The following FRY variants were observed in gnomAD, a reference collection of about 807,000 sequenced individuals.
The protein encoded by FRY is protein furry homolog.
FRY carries 128 observed loss-of-function variants against 348.4 expected under a neutral mutation model. The observed-to-expected ratio is 0.37, with a 90% CI of 0.32 to 0.43. The LOEUF (loss-of-function observed/expected upper bound fraction) is 0.43. Ranked by LOEUF, FRY falls within the 20% of genes least tolerant of loss-of-function variation. FRY has a pLI of 1.00. For synonymous variants in FRY, 1,370 were observed against 1,374.7 expected (o/e 1.00, Z 0.08); for missense variants, 2,736 against 3,695.2 (o/e 0.74, Z 6.73).
chr13:32,254,323 A>G lies in FRY; in HGVS notation c.7345A>G (p.Thr2449Ala), dbSNP rs192351218. The G allele has an allele frequency of 3.9e-3, 6,319 of 1,614,092 alleles. 45 individuals carry two copies. Among genetic ancestry groups the G allele is most frequent in the South Asian group, 0.021 (1,947 of 91,080 alleles). The change falls in exon 51 of 61, where the codon ACA (threonine) becomes GCA (alanine). Residue 2449 changes from threonine (T) to alanine (A), a missense_variant. Physicochemically the swap from Thr to Ala is moderately conservative, Grantham distance 58. Around this residue, in one of 9 missense-constraint regions of FRY, gnomAD observed 789 missense variants for 996.2 expected, o/e 0.79. Transcript: ENST00000542859. ...CCGAGAGCAGGAGAACATGGATGACACAAACAGCGAGCAGCAGTTTAGAGT... is the reference window on the plus strand; with the variant it reads ...CCGAGAGCAGGAGAACATGGATGACGCAAACAGCGAGCAGCAGTTTAGAGT... The part of the protein sequence containing the change: ...GAREQENMDD[T>A]NSEQQFRVFR...
chr13:32,087,274 C>T (rs147947708), intron 2 of FRY, among the ~76,000 whole-genome samples: 2 of 152,332 alleles, frequency 1.3e-5, no homozygotes, highest in African/African-American at 4.8e-5. Flanking sequence ...AGGCAATTAG[C>T]TAATGACAGC....
At chr13:32,134,224 G>C (rs990940701) in intron 8 of FRY, among the ~76,000 whole-genome samples, 11 of 152,160 alleles carry the variant, frequency 7.2e-5, no homozygotes. Context: ...AAAAATGTTG[G>C]CAGGCCAACT....
chr13:32,114,352 A>G (rs1372515373), intron 3 of FRY, among the ~76,000 whole-genome samples: 1 of 152,106 alleles, frequency 6.6e-6, no homozygotes, highest in Non-Finnish European at 1.5e-5. Flanking sequence ...TTATTGTTTT[A>G]TGTGTTGGGC....
intron 24 of FRY, among the ~76,000 whole-genome samples, chr13:32,183,792 A>ACCT (rs1882861696): frequency 6.6e-6 from 1 of 151,248 alleles, no homozygotes; most frequent in Admixed American, 6.6e-5. Context: ...AAAAAAAAAA[A>ACCT]AAAAAACCTA....
intron 11 of FRY, among the ~76,000 whole-genome samples, chr13:32,145,090 C>T (rs776079887): frequency 1.2e-4 from 18 of 152,078 alleles, no homozygotes; most frequent in Non-Finnish European, 2.4e-4. Flanking sequence ...ATAGAATGAA[C>T]GTGGCCTAGC....
rs1491319469 is a variant in FRY, at chr13:32,079,060, CTT to C, written c.270+29_270+30del. On this transcript the variant is annotated intron_variant, in intron 2 of 60. Coordinates refer to ENST00000542859, the MANE Select transcript of FRY (RefSeq NM_023037.3). ...TGAGTACATGCCGTGGAAACTGCCT[CTT>C]TGAAAATTCATCTGTATGCTGAATA... 2.8e-3 allele frequency: 4,130 copies of C among 1,483,506 alleles called. 93 individuals are homozygous for C. In the African/African-American group the frequency reaches 0.048, roughly 17 times the overall value. The allele number at this position is 1,483,506 out of a possible 1,614,324, so 91.9% of individuals were successfully genotyped here.
At chr13:32,153,823 T>G (rs1880944123) in intron 14 of FRY, among the ~76,000 whole-genome samples, 1 of 152,132 alleles carries the variant, frequency 6.6e-6, no homozygotes, top group East Asian at 1.9e-4. Flanking sequence ...ACTGTCCTCA[T>G]TTTACAGAAA....
At chr13:32,039,845 T>G (rs1872684251) in intron 1 of FRY, among the ~76,000 whole-genome samples, 1 of 152,244 alleles carries the variant, frequency 6.6e-6, no homozygotes, top group Admixed American at 6.5e-5. Context: ...AGTTGAAATC[T>G]TTTTTGAGAA....
At chr13:32,273,775 A>G (rs1424301890) in intron 55 of FRY, among the ~76,000 whole-genome samples, 4 of 152,156 alleles carry the variant, frequency 2.6e-5, no homozygotes, top group Non-Finnish European at 5.9e-5. Flanking sequence ...TCTTGTCCAC[A>G]TTGAAGTAAT....
At chr13:32,274,684 A>G (rs942560329) in intron 55 of FRY, among the ~76,000 whole-genome samples, 158 bp from the exon 56 acceptor site, 1 of 130,194 alleles carries the variant, frequency 7.7e-6, no homozygotes, top group Non-Finnish European at 1.6e-5. Flanking sequence ...AGCCTGGGCG[A>G]CAGAGCGAGA....
chr13:32,161,564 A>T (rs1339184651), intron 17 of FRY, among the ~76,000 whole-genome samples: 1 of 152,180 alleles, frequency 6.6e-6, no homozygotes, highest in African/African-American at 2.4e-5. Context: ...GGCAACAAAT[A>T]ACTCCTGAGA....
intron 53 of FRY, among the ~76,000 whole-genome samples, chr13:32,264,324 T>C (rs998279797): frequency 6.6e-6 from 1 of 152,124 alleles, no homozygotes. Flanking sequence ...ACATGAGATA[T>C]CTTATTTCCC....
chr13:32,155,979 T>A (rs1017038491), intron 15 of FRY, among the ~76,000 whole-genome samples: 36 of 152,162 alleles, frequency 2.4e-4, no homozygotes, highest in African/African-American at 7.5e-4. Context: ...ATAATCCTGT[T>A]CATCAATTCA....
intron 1 of FRY, among the ~76,000 whole-genome samples, chr13:32,047,581 T>TTGG (rs1555246715): frequency 6.3e-5 from 9 of 142,362 alleles, no homozygotes; most frequent in Non-Finnish European, 1.4e-4. Context: ...TCTTTTTTTT[T>TTGG]GGGGGGGGTG....
intron 58 of FRY, among the ~76,000 whole-genome samples, chr13:32,281,106 G>A (rs1888787560): frequency 6.6e-6 from 1 of 151,906 alleles, no homozygotes; most frequent in African/African-American, 2.4e-5. Flanking sequence ...TAAACCCAAG[G>A]ACTCAAAAAA....
intron 7 of FRY, among the ~76,000 whole-genome samples, chr13:32,129,515 A>G (rs1879221238): frequency 6.6e-6 from 1 of 152,208 alleles, no homozygotes; most frequent in African/African-American, 2.4e-5. Flanking sequence ...ATTTTCTACC[A>G]TATTCTAATA....
chr13:32,032,471 A>T lies in FRY; in HGVS notation c.70+606A>T, dbSNP rs184768996. 3.6e-3 allele frequency among the ~76,000 whole-genome samples: 547 copies of T among 152,318 alleles called. 2 individuals carry two copies. The highest frequency in any genetic ancestry group is 0.016 in the South Asian group (75 of 4,828). Reference sequence around the variant, plus strand: ...AATGCCATTTAATATTTGAATTTTTAAAAATCCTGATGTTTGCTATAGTCC... The same window carrying T: ...AATGCCATTTAATATTTGAATTTTTTAAAATCCTGATGTTTGCTATAGTCC... On this transcript the variant is annotated intron_variant, in intron 1 of 60. Coordinates refer to ENST00000542859, the MANE Select transcript of FRY (RefSeq NM_023037.3).
At chr13:32,215,091 A>G (rs1036216475) in intron 35 of FRY, among the ~76,000 whole-genome samples, 15 of 152,236 alleles carry the variant, frequency 9.9e-5, no homozygotes, top group African/African-American at 3.6e-4. Flanking sequence ...AGGGTAAGAC[A>G]GTTGGTGTCT....
rs1461374062 is a variant in FRY at position 32,254,227 on chromosome 13, A to AT, written c.7255dup (p.Ser2419PhefsTer10). 3.7e-6 allele frequency: 6 copies of AT among 1,613,978 alleles called. No individual in the cohort carries two copies. The highest frequency in any genetic ancestry group is 1.7e-5 in the Admixed American group (1 of 60,018). Reference sequence around the variant, plus strand: ...GGAGAGGACTCTTGATTCGCAGGTGATTTTTTCATCGTGTGGGGATCTGGA... The same window carrying AT: ...GGAGAGGACTCTTGATTCGCAGGTGATTTTTTTCATCGTGTGGGGATCTGGA... On this transcript the variant is annotated frameshift_variant, in exon 51 of 61. Coordinates refer to ENST00000542859, the MANE Select transcript of FRY (RefSeq NM_023037.3). LOFTEE classifies it high-confidence loss of function.
Sources: gnomAD v4.1 joint callset for allele counts (sites outside exome capture counted in the v4.1 genomes callset) on GRCh38, gnomAD v4.1.1 for gene constraint, gnomAD v4.1.1 regional missense constraint, MANE v1.5 for transcripts, NCBI Gene and HGNC (gene_info 2026-07-23, HGNC 2026-07-21) for gene names.